Variants in XRCC4 observed in about 807,000 individuals in gnomAD.
XRCC4 encodes X-ray repair cross complementing 4.
XRCC4 carries 28 observed loss-of-function variants against 39.1 expected under a neutral mutation model. That is an observed-to-expected ratio of 0.72 (90% CI 0.53 to 0.98). The LOEUF is 0.98. Among genes scored for constraint, XRCC4 ranks in the 50% least tolerant of loss-of-function variants. XRCC4 has a pLI of 0.00. For synonymous variants in XRCC4, 123 were observed against 126.4 expected, an observed-to-expected ratio of 0.97 and a Z score of 0.18; for missense variants, 350 against 376.4, an observed-to-expected ratio of 0.93 and a Z score of 0.58.
intron 7 of XRCC4, among the ~76,000 whole-genome samples, chr5:83,324,352 C>T (rs992411275): frequency 2.0e-5 from 3 of 152,082 alleles, no homozygotes; most frequent in African/African-American, 7.2e-5. Context: ...CTTTCAGGCA[C>T]AGTCATGGGG....
chr5:83,215,147 G>A (rs1751808842), intron 6 of XRCC4, among the ~76,000 whole-genome samples: 1 of 151,852 alleles, frequency 6.6e-6, no homozygotes, highest in African/African-American at 2.4e-5. Flanking sequence ...ACCAACCTGG[G>A]CAATATGGCA....
intron 6 of XRCC4, among the ~76,000 whole-genome samples, chr5:83,257,839 A>T (rs1385601589): frequency 6.6e-6 from 1 of 152,220 alleles, no homozygotes; most frequent in Non-Finnish European, 1.5e-5. Flanking sequence ...CATATACACC[A>T]TGGAATACTA....
At chr5:83,107,025 T>C (rs1389457283) in intron 2 of XRCC4, among the ~76,000 whole-genome samples, 1 of 152,030 alleles carries the variant, frequency 6.6e-6, no homozygotes, top group African/African-American at 2.4e-5. Context: ...GTGACAAAAA[T>C]GTGATATCAA....
At chr5:83,337,014 C>T (rs1212570446) in intron 7 of XRCC4, among the ~76,000 whole-genome samples, 1 of 152,036 alleles carries the variant, frequency 6.6e-6, no homozygotes, top group African/African-American at 2.4e-5. Flanking sequence ...AGGTTTAAAT[C>T]TTTTTCTAAG....
rs547769207 is a variant in XRCC4, at chr5:83,145,703, T to C, written c.315+34500T>C. ...TTTCTCTGAAAGCCTGTCTTCAGGA[T>C]CTTCAATTTAATAGAACTGGTTTCT... On this transcript the variant is annotated intron_variant, in intron 3 of 7. Coordinates refer to ENST00000396027, the MANE Select transcript of XRCC4 (RefSeq NM_003401.5). Among the ~76,000 whole-genome samples the C allele has an allele frequency of 2.0e-5, 3 of 152,322 alleles. No individual in the cohort carries two copies. The South Asian group carries it at 6.2e-4, about 32-fold the overall frequency.
At chr5:83,146,297 G>T (rs1437645269) in intron 3 of XRCC4, among the ~76,000 whole-genome samples, 1 of 152,150 alleles carries the variant, frequency 6.6e-6, no homozygotes, top group Non-Finnish European at 1.5e-5. Flanking sequence ...AATCTGGCAA[G>T]GGGACTTTCT....
intron 1 of XRCC4, among the ~76,000 whole-genome samples, chr5:83,098,563 C>G (rs947161653): frequency 4.9e-4 from 75 of 151,838 alleles, no homozygotes; most frequent in Admixed American, 4.9e-3. Context: ...AAATCTAACT[C>G]AAAAATATTA....
intron 7 of XRCC4, chr5:83,310,829 T>G (rs1178646272): frequency 2.2e-6 from 1 of 456,548 alleles, no homozygotes. Context: ...GGCCGTGTGA[T>G]GGAAGCAAAA....
Position 83,212,301 on chromosome 5 carries a change from G to C in XRCC4, c.745+7380G>C, listed in dbSNP as rs181342963. Among the ~76,000 whole-genome samples, 15 of 152,140 alleles carry C rather than the reference G, an allele frequency of 9.9e-5. No individual in the cohort carries two copies. In the South Asian group the frequency reaches 3.1e-3, roughly 32 times the overall value. ...TATGAAAATTCTGAATTTGAAGAGT[G>C]TAATAACTGAAATGAGAAAGTTACT... On this transcript the variant is annotated intron_variant, in intron 6 of 7. Transcript: ENST00000396027.
intron 1 of XRCC4, among the ~76,000 whole-genome samples, chr5:83,079,282 A>G (rs914101912): frequency 6.6e-6 from 1 of 152,268 alleles, no homozygotes; most frequent in East Asian, 1.9e-4. Flanking sequence ...GGCTGAACAA[A>G]TATGTATAAT....
intron 7 of XRCC4, among the ~76,000 whole-genome samples, chr5:83,315,061 GA>G (rs1755833174): frequency 6.6e-6 from 1 of 152,152 alleles, no homozygotes; most frequent in African/African-American, 2.4e-5. Flanking sequence ...GAATGCAAAG[GA>G]AAACTTTTTG....
At chr5:83,344,791 T>C (rs1756870647) in intron 7 of XRCC4, among the ~76,000 whole-genome samples, 2 of 152,202 alleles carry the variant, frequency 1.3e-5, no homozygotes, top group Admixed American at 1.3e-4. Flanking sequence ...TCCTAGGTTA[T>C]AGGTACATAT....
At chr5:83,203,474 T>A in intron 4 of XRCC4, 78 bp from the exon 5 acceptor site, 1 of 1,244,922 alleles carries the variant, frequency 8.0e-7, no homozygotes. Flanking sequence ...CCTTGAAATC[T>A]TCTTGATTAT....
intron 3 of XRCC4, among the ~76,000 whole-genome samples, chr5:83,148,234 G>A (rs1450435159): frequency 6.6e-6 from 1 of 152,160 alleles, no homozygotes; most frequent in African/African-American, 2.4e-5. Flanking sequence ...GTTTTGCATT[G>A]TATCTGATAC....
chr5:83,274,830 G>A (rs906151102), intron 7 of XRCC4, among the ~76,000 whole-genome samples: 3 of 152,034 alleles, frequency 2.0e-5, no homozygotes, highest in South Asian at 4.1e-4. Context: ...AAGCTTTGAG[G>A]GCCAATGGTC....
chr5:83,172,305 T>A (rs1432931846), intron 3 of XRCC4, among the ~76,000 whole-genome samples: 1 of 152,180 alleles, frequency 6.6e-6, no homozygotes, highest in African/African-American at 2.4e-5. Context: ...TCAGTTAATA[T>A]TTATAACTTT....
intron 6 of XRCC4, among the ~76,000 whole-genome samples, chr5:83,216,615 A>G (rs549973680): frequency 6.6e-6 from 1 of 152,320 alleles, no homozygotes; most frequent in South Asian, 2.1e-4. Flanking sequence ...TCCATACAAT[A>G]AAGTATTATT....
intron 7 of XRCC4, among the ~76,000 whole-genome samples, chr5:83,295,528 G>C (rs145425259): frequency 2.6e-3 from 390 of 152,142 alleles, no homozygotes; most frequent in African/African-American, 9.1e-3. Context: ...GAATGAATCT[G>C]CCCTAGGTAA....
At chr5:83,245,430 TTAAA>T (rs1753065328) in intron 6 of XRCC4, among the ~76,000 whole-genome samples, 1 of 152,090 alleles carries the variant, frequency 6.6e-6, no homozygotes, top group Admixed American at 6.6e-5. Context: ...TAGTAGATTT[TTAAA>T]TAATTTATTG....
Sources: allele counts gnomAD v4.1 joint callset (sites outside exome capture counted in the v4.1 genomes callset), GRCh38; gene constraint gnomAD v4.1.1; transcripts MANE v1.5; gene names NCBI Gene and HGNC (gene_info 2026-07-23, HGNC 2026-07-21).